CERS4: variants seen among roughly 807,000 people sequenced by gnomAD.
The protein encoded by CERS4 is LAG1 homolog, ceramide synthase 4.
A neutral mutation model predicts 51.8 loss-of-function variants in CERS4; 65 were observed. The ratio of observed to expected loss-of-function variants is 1.26; its 90% CI spans 1.03 to 1.54. CERS4 has a LOEUF of 1.54. Among genes scored for constraint, CERS4 ranks in the 40% most tolerant of loss-of-function variants. The pLI is 0.00. For synonymous variants in CERS4, 228 were observed against 208.4 expected, an observed-to-expected ratio of 1.09 and a Z score of -0.81; for missense variants, 563 against 500.4, an observed-to-expected ratio of 1.13 and a Z score of -1.19.
intron 3 of CERS4, among the ~76,000 whole-genome samples, chr19:8,253,049 G>A (rs971409447): frequency 1.3e-5 from 2 of 152,194 alleles, no homozygotes; most frequent in Non-Finnish European, 2.9e-5. Flanking sequence ...CATTCTCTCC[G>A]CATCATGATT....
chr19:8,240,048 T>C (rs1330641573), intron 2 of CERS4, among the ~76,000 whole-genome samples: 1 of 152,110 alleles, frequency 6.6e-6, no homozygotes, highest in East Asian at 1.9e-4. Flanking sequence ...TCTTTGGTGG[T>C]AGTCTGAGAA....
intron 2 of CERS4, among the ~76,000 whole-genome samples, chr19:8,246,530 G>A (rs1394738571): frequency 4.6e-5 from 7 of 152,054 alleles, no homozygotes; most frequent in Non-Finnish European, 8.8e-5. Flanking sequence ...TCCAGCCTGG[G>A]TGACAGAGTG....
rs5742074 is a variant in CERS4 at position 8,240,585 on chromosome 19, AGT to A, written c.-1-10462_-1-10461del. 1.7e-3 allele frequency: 242 copies of A among 142,164 alleles called. 3 individuals are homozygous for A. Among genetic ancestry groups the A allele is most frequent in the South Asian group, 9.5e-3 (41 of 4,336 alleles). 8.8% of individuals were successfully genotyped at this position (142,164 alleles called of 1,614,324 possible). A position where few individuals can be genotyped will look rare whatever the true frequency, so the allele number is the denominator to read the frequency against. ...GCGGGTGAGTGAGTCAATGTATGCA[AGT>A]GTGTGTGTGTGTGTGTGTGTGTGTG... On this transcript the variant is annotated intron_variant, in intron 2 of 11. Coordinates refer to ENST00000251363, the MANE Select transcript of CERS4 (RefSeq NM_024552.3).
At chr19:8,251,311 C>G in intron 3 of CERS4, 62 bp downstream of exon 3, 2 of 1,479,050 alleles carry the variant, frequency 1.4e-6, no homozygotes, top group Non-Finnish European at 9.0e-7. Flanking sequence ...TGCTCGTGCC[C>G]TGTGTGCAAT....
rs1416309118 is a variant in CERS4 at position 8,229,423 on chromosome 19, T to TC, written c.-2+18562dup. ...CTTCTTCTTCTTTCTTCTTTTTTCT[T>TC]CTTCTTCTTCTTCGTGTGTCGCTCT... is the stretch of plus-strand genomic sequence containing the variant. On this transcript the variant is annotated intron_variant, in intron 2 of 11. Coordinates refer to ENST00000251363, the MANE Select transcript of CERS4 (RefSeq NM_024552.3). Among the ~76,000 whole-genome samples, 9 of 123,492 alleles carry TC rather than the reference T, an allele frequency of 7.3e-5. No individual in the cohort carries two copies. In the East Asian group the frequency reaches 1.9e-3, roughly 26 times the overall value. The allele number at this position is 123,492 out of a possible 152,430, so 81.0% of individuals were successfully genotyped here. A position where few individuals can be genotyped will look rare whatever the true frequency, so the allele number is the denominator to read the frequency against.
At chr19:8,223,197 C>T (rs1967635810) in intron 2 of CERS4, among the ~76,000 whole-genome samples, 1 of 150,074 alleles carries the variant, frequency 6.7e-6, no homozygotes, top group African/African-American at 2.5e-5. Context: ...CTGGGCATGG[C>T]GGCATGTACC....
chr19:8,245,129 A>AAAAAAACAAAAAAT (rs1234273978), intron 2 of CERS4, among the ~76,000 whole-genome samples: 1 of 148,658 alleles, frequency 6.7e-6, no homozygotes, highest in Non-Finnish European at 1.5e-5. Context: ...AAAAAAAAAA[A>AAAAAAACAAAAAAT]AAAAAACACT....
At chr19:8,254,298 G>C (rs374429649) in intron 3 of CERS4, among the ~76,000 whole-genome samples, 2 of 129,404 alleles carry the variant, frequency 1.5e-5, no homozygotes, top group Non-Finnish European at 3.2e-5. Flanking sequence ...ACTCCAGCCT[G>C]GGTGACAGTG....
At chr19:8,258,018 T>C in intron 10 of CERS4, 33 bp downstream of exon 10, 2 of 1,502,866 alleles carry the variant, frequency 1.3e-6, no homozygotes, top group Non-Finnish European at 1.9e-6. Context: ...GTCAGGGAGG[T>C]GGGAGGGCGT....
At chr19:8,242,720 T>G (rs920296869) in intron 2 of CERS4, among the ~76,000 whole-genome samples, 1 of 152,134 alleles carries the variant, frequency 6.6e-6, no homozygotes, top group African/African-American at 2.4e-5. Context: ...ACCCAAATAC[T>G]AAATGAGCAT....
Position 8,236,697 on chromosome 19 carries a change from A to G in CERS4, c.-1-14379A>G, listed in dbSNP as rs1041922551. On this transcript the variant is annotated intron_variant, in intron 2 of 11. Transcript: ENST00000251363. ...CTGTCTTCTAAAAAAAAAAAAAAAAAAAAAGAAAGAAAGAAAAAACAGGGC... is the reference window on the plus strand; with the variant it reads ...CTGTCTTCTAAAAAAAAAAAAAAAAGAAAAGAAAGAAAGAAAAAACAGGGC... 3.4e-3 allele frequency among the ~76,000 whole-genome samples: 78 copies of G among 23,264 alleles called. 1 individual carries two copies. Among genetic ancestry groups the G allele is most frequent in the Non-Finnish European group, 8.5e-3 (63 of 7,394 alleles). The allele number at this position is 23,264 out of a possible 152,430, so 15.3% of individuals were successfully genotyped here. A position where few individuals can be genotyped will look rare whatever the true frequency, so the allele number is the denominator to read the frequency against.
intron 2 of CERS4, among the ~76,000 whole-genome samples, chr19:8,243,322 C>T (rs1968619189): frequency 1.3e-5 from 2 of 152,000 alleles, no homozygotes; most frequent in Admixed American, 1.3e-4. Context: ...GTCCTTGAGC[C>T]CCCACGGGCA....
At chr19:8,232,160 T>C (rs1599537928) in intron 2 of CERS4, among the ~76,000 whole-genome samples, 2 of 152,070 alleles carry the variant, frequency 1.3e-5, no homozygotes, top group Admixed American at 1.3e-4. Context: ...CCAGTTTTTA[T>C]CTCCAATGAA....
chr19:8,246,904 G>A (rs1968812938), intron 2 of CERS4, among the ~76,000 whole-genome samples: 1 of 152,250 alleles, frequency 6.6e-6, no homozygotes, highest in East Asian at 1.9e-4. Context: ...GGTGGCTCAT[G>A]CCTATAATCC....
At chr19:8,251,800 TA>T (rs111723071) in intron 3 of CERS4, among the ~76,000 whole-genome samples, 61 of 144,110 alleles carry the variant, frequency 4.2e-4, no homozygotes, top group Non-Finnish European at 3.3e-4. Context: ...CAAGACTCCA[TA>T]AAAAAAAAAA....
At chr19:8,254,192 G>A (rs527692175) in intron 3 of CERS4, among the ~76,000 whole-genome samples, 34 of 151,346 alleles carry the variant, frequency 2.2e-4, no homozygotes, top group South Asian at 1.0e-3. Context: ...GCGTAGTGGC[G>A]GGCGCCTGCA....
chr19:8,227,292 C>A (rs1391393360), intron 2 of CERS4, among the ~76,000 whole-genome samples: 1 of 151,934 alleles, frequency 6.6e-6, no homozygotes, highest in Non-Finnish European at 1.5e-5. Context: ...AAAAAGTCAC[C>A]CTTAATATAT....
intron 3 of CERS4, among the ~76,000 whole-genome samples, chr19:8,254,247 C>T (rs1015711184): frequency 2.2e-5 from 3 of 136,382 alleles, no homozygotes; most frequent in African/African-American, 8.0e-5. Flanking sequence ...GGCGTGAACC[C>T]GGGAGGCGGA....
intron 2 of CERS4, chr19:8,239,560 C>G (rs1568517734): frequency 6.6e-6 from 1 of 152,188 alleles, no homozygotes; most frequent in Admixed American, 6.6e-5. Flanking sequence ...GAACCCTGAG[C>G]CCACTGTGGG....
Sources: allele counts gnomAD v4.1 joint callset (sites outside exome capture counted in the v4.1 genomes callset), GRCh38; gene constraint gnomAD v4.1.1; transcripts MANE v1.5; gene names NCBI Gene and HGNC (gene_info 2026-07-23, HGNC 2026-07-21).